PPP4R2: variants seen among roughly 807,000 people sequenced by gnomAD.
PPP4R2 encodes the protein protein phosphatase 4 regulatory subunit 2.
PPP4R2 carries 13 observed loss-of-function variants against 47.2 expected under a neutral mutation model. The observed-to-expected ratio is 0.28, with a 90% CI of 0.18 to 0.44. The LOEUF is 0.44. Among genes scored for constraint, PPP4R2 ranks in the 20% least tolerant of loss-of-function variants. The pLI, the probability that PPP4R2 is intolerant of heterozygous loss-of-function variation, is 1.00. For synonymous variants in PPP4R2, 151 were observed against 163.3 expected (o/e 0.92, Z 0.57); for missense variants, 421 against 491.2 (o/e 0.86, Z 1.35).
intron 2 of PPP4R2, among the ~76,000 whole-genome samples, chr3:72,998,718 T>G (rs978013885): frequency 1.1e-4 from 17 of 152,232 alleles, no homozygotes; most frequent in African/African-American, 4.1e-4. Flanking sequence ...ATGCTCAGCA[T>G]TTTATTCAGC....
intron 2 of PPP4R2, among the ~76,000 whole-genome samples, chr3:73,044,220 T>TTG (rs1702436670): frequency 1.3e-5 from 2 of 150,856 alleles, no homozygotes; most frequent in Admixed American, 6.6e-5. Context: ...TTTCATAATT[T>TTG]TTGTTGTTGT....
chr3:73,000,690 T>G (rs1418408914), intron 2 of PPP4R2, among the ~76,000 whole-genome samples: 1 of 152,192 alleles, frequency 6.6e-6, no homozygotes, highest in Admixed American at 6.6e-5. Flanking sequence ...GGAAACTATA[T>G]ATGTATATAA....
At chr3:73,062,543 G>GA (rs1559569994) in intron 5 of PPP4R2, 1 of 1,613,968 alleles carries the variant, frequency 6.2e-7, no homozygotes, top group Admixed American at 1.7e-5. Flanking sequence ...CTGTGGTTGG[G>GA]AATGAGAACG....
rs11342756 is a variant in PPP4R2 at position 73,040,499 on chromosome 3, A to ATTTTT, written c.117-6672_117-6668dup. Among the ~76,000 whole-genome samples the ATTTTT allele has an allele frequency of 8.5e-5, 10 of 117,586 alleles. No homozygotes were observed. The South Asian group carries it at 1.7e-3, about 20-fold the overall frequency. The allele number at this position is 117,586 out of a possible 152,430, so 77.1% of individuals were successfully genotyped here. A position where few individuals can be genotyped will look rare whatever the true frequency, so the allele number is the denominator to read the frequency against. ...ATTGTAATGAAGTAGATGTGACCTA[A>ATTTTT]TTTTTTTTTTTTTTTTTTTGGAGAC... On this transcript the variant is annotated intron_variant, in intron 2 of 8. Coordinates refer to ENST00000356692, the MANE Select transcript of PPP4R2 (RefSeq NM_174907.4).
Position 73,023,290 on chromosome 3 carries a change from A to G in PPP4R2, c.117-23896A>G, listed in dbSNP as rs960883747. 6.5e-5 allele frequency among the ~76,000 whole-genome samples: 7 copies of G among 108,270 alleles called. No individual in the cohort carries two copies. The South Asian group carries it at 1.4e-3, about 21-fold the overall frequency. The allele number at this position is 108,270 out of a possible 152,430, so 71.0% of individuals were successfully genotyped here. ...CTGCAACCTCTGCCTCCTGGGTTCA[A>G]GCAATTCTGCCTCAGCCTCCCGAGT... is the stretch of plus-strand genomic sequence containing the variant. On this transcript the variant is annotated intron_variant, in intron 2 of 8. Transcript: ENST00000356692.
chr3:73,021,234 T>A (rs761251035), intron 2 of PPP4R2, among the ~76,000 whole-genome samples: 34 of 93,942 alleles, frequency 3.6e-4, no homozygotes, highest in Non-Finnish European at 5.5e-4. Flanking sequence ...TAAAAAAAAA[T>A]TTTTTTTTTT....
rs142971486 is a variant in PPP4R2, at chr3:73,006,390, G to T, written c.116+8232G>T. Among the ~76,000 whole-genome samples, 596 of 151,854 alleles carry T rather than the reference G, an allele frequency of 3.9e-3. 8 individuals carry two copies. Among genetic ancestry groups the T allele is most frequent in the African/African-American group, 0.013 (540 of 41,394 alleles). On this transcript the variant is annotated intron_variant, in intron 2 of 8. Transcript: ENST00000356692. ...GTTTTTGTATTTTTAGTAGAGACGG[G>T]GTTTTACCACATGGGCCAGGCTGAC...
intron 2 of PPP4R2, among the ~76,000 whole-genome samples, chr3:73,000,439 AC>A (rs1195487151): frequency 6.6e-6 from 1 of 151,710 alleles, no homozygotes; most frequent in East Asian, 1.9e-4. Context: ...AAAATCAGTG[AC>A]CCCCCAGGCT....
At chr3:73,045,398 C>G (rs1185957795) in intron 2 of PPP4R2, among the ~76,000 whole-genome samples, 2 of 152,038 alleles carry the variant, frequency 1.3e-5, no homozygotes, top group African/African-American at 4.8e-5. Context: ...TAAAAATTGT[C>G]CAGACTTTTA....
At chr3:73,011,063 G>T (rs1295146203) in intron 2 of PPP4R2, among the ~76,000 whole-genome samples, 2 of 152,142 alleles carry the variant, frequency 1.3e-5, no homozygotes, top group Non-Finnish European at 2.9e-5. Context: ...AGGCATTCTG[G>T]CTCCAAATCC....
intron 2 of PPP4R2, among the ~76,000 whole-genome samples, chr3:73,046,223 C>T (rs1702484124): frequency 6.6e-6 from 1 of 152,098 alleles, no homozygotes; most frequent in Non-Finnish European, 1.5e-5. Context: ...ACTAGTCAGC[C>T]CTTATTCTTT....
intron 2 of PPP4R2, among the ~76,000 whole-genome samples, chr3:73,024,157 T>A (rs1702013745): frequency 6.6e-6 from 1 of 152,148 alleles, no homozygotes; most frequent in Non-Finnish European, 1.5e-5. Flanking sequence ...AGATCTAATT[T>A]CTAATGTAGG....
At chr3:72,997,506 CT>C in intron 1 of PPP4R2, 2 of 178,752 alleles carry the variant, frequency 1.1e-5, no homozygotes, top group Non-Finnish European at 2.3e-5. Flanking sequence ...CTCAGTATGC[CT>C]TTTTCAGGGC....
chr3:73,027,616 T>G (rs1702090693), intron 2 of PPP4R2, among the ~76,000 whole-genome samples: 1 of 152,060 alleles, frequency 6.6e-6, no homozygotes, highest in Non-Finnish European at 1.5e-5. Context: ...TGCCAGACTT[T>G]GTATTTGTTT....
At chr3:73,030,654 A>G (rs1356962588) in intron 2 of PPP4R2, among the ~76,000 whole-genome samples, 2 of 149,826 alleles carry the variant, frequency 1.3e-5, no homozygotes, top group East Asian at 3.9e-4. Context: ...GAGAAGGGCT[A>G]GAGAACCAAC....
chr3:73,003,830 C>A (rs1701536994), intron 2 of PPP4R2, among the ~76,000 whole-genome samples: 1 of 152,032 alleles, frequency 6.6e-6, no homozygotes, highest in Admixed American at 6.6e-5. Context: ...TCCTGAGTAT[C>A]TGGGATTACA....
intron 2 of PPP4R2, among the ~76,000 whole-genome samples, chr3:73,038,531 G>T (rs943006078): frequency 2.6e-5 from 4 of 152,070 alleles, no homozygotes; most frequent in Admixed American, 2.0e-4. Context: ...GAGTAGCTGG[G>T]ACTACAGGTG....
At chr3:73,023,892 AAAAGAAT>A (rs1702008541) in intron 2 of PPP4R2, among the ~76,000 whole-genome samples, 1 of 152,190 alleles carries the variant, frequency 6.6e-6, no homozygotes, top group African/African-American at 2.4e-5. Context: ...GAAGCCACTT[AAAAGAAT>A]AATTTGGATT....
chr3:73,061,933 A>G (rs1264445368), intron 5 of PPP4R2: 1 of 607,268 alleles, frequency 1.6e-6, no homozygotes. Context: ...AAATAATCCC[A>G]TACTATATTT....
Sources: gnomAD v4.1 joint callset for allele counts (sites outside exome capture counted in the v4.1 genomes callset) on GRCh38, gnomAD v4.1.1 for gene constraint, MANE v1.5 for transcripts, NCBI Gene and HGNC (gene_info 2026-07-23, HGNC 2026-07-21) for gene names.